The following NCKAP5 variants were observed in gnomAD, a reference collection of about 807,000 sequenced individuals.
NCKAP5 encodes NCK associated protein 5.
A neutral mutation model predicts 167.0 loss-of-function variants in NCKAP5; 92 were observed. The observed-to-expected ratio is 0.55, with a 90% CI of 0.47 to 0.66. The LOEUF is 0.66. NCKAP5 is among the 30% of genes least tolerant of loss of function. The pLI is 0.00. For synonymous variants in NCKAP5, 891 were observed against 877.4 expected, an observed-to-expected ratio of 1.02 and a Z score of -0.27; for missense variants, 2,378 against 2,315.0, an observed-to-expected ratio of 1.03 and a Z score of -0.56.
chr2:132,764,704 T>C (rs1681300019), intron 16 of NCKAP5, among the ~76,000 whole-genome samples: 1 of 152,170 alleles, frequency 6.6e-6, no homozygotes, highest in African/African-American at 2.4e-5. Context: ...TTGAGAACAT[T>C]TGCACTTCCC....
chr2:132,921,919 A>G (rs1574640176), intron 8 of NCKAP5, among the ~76,000 whole-genome samples: 1 of 152,216 alleles, frequency 6.6e-6, no homozygotes, highest in African/African-American at 2.4e-5. Flanking sequence ...TGACTCTATC[A>G]GAGTCAATAT....
intron 4 of NCKAP5, among the ~76,000 whole-genome samples, chr2:133,283,802 G>A (rs558981992): frequency 3.9e-4 from 60 of 152,006 alleles, no homozygotes; most frequent in African/African-American, 1.4e-3. Context: ...GTAGAGATAG[G>A]GTTTCACCAT....
chr2:133,668,933 T>G, the NCKAP5 span, among the ~76,000 whole-genome samples: 1 of 152,194 alleles, frequency 6.6e-6, no homozygotes, highest in African/African-American at 2.4e-5. Flanking sequence ...ACTTAAATTC[T>G]GAGTCAGATA....
chr2:132,693,047 C>A (rs1168970409), intron 19 of NCKAP5, among the ~76,000 whole-genome samples: 1 of 152,212 alleles, frequency 6.6e-6, no homozygotes, highest in East Asian at 1.9e-4. Context: ...CAAATTACAG[C>A]TGGAACAGCC....
Position 133,458,713 on chromosome 2 carries a change from G to A in NCKAP5, c.69+58745C>T, listed in dbSNP as rs527898253. Among the ~76,000 whole-genome samples the A allele has an allele frequency of 2.4e-3, 368 of 152,230 alleles. 5 individuals carry two copies. The highest frequency in any genetic ancestry group is 7.6e-3 in the African/African-American group (316 of 41,554). ...AAGTTATGGATACATTTTCCTGGAT[G>A]TTAACAGGACTGCAAGAGGAGGATC... On this transcript the variant is annotated intron_variant, in intron 3 of 19. Coordinates refer to ENST00000409261, the MANE Select transcript of NCKAP5 (RefSeq NM_207363.3).
chr2:133,361,031 T>C (rs567678011), intron 3 of NCKAP5, among the ~76,000 whole-genome samples: 2 of 149,920 alleles, frequency 1.3e-5, no homozygotes, highest in African/African-American at 5.0e-5. Context: ...CAAGGACCTA[T>C]GCTGGTGACT....
intron 11 of NCKAP5, among the ~76,000 whole-genome samples, chr2:132,800,483 T>G (rs1684938765): frequency 6.6e-6 from 1 of 152,156 alleles, no homozygotes; most frequent in South Asian, 2.1e-4. Flanking sequence ...AAATAGAGAC[T>G]CCTAATTTCA....
At chr2:132,685,768 A>T (rs1685857796) in intron 19 of NCKAP5, among the ~76,000 whole-genome samples, 1 of 152,282 alleles carries the variant, frequency 6.6e-6, no homozygotes, top group East Asian at 1.9e-4. Flanking sequence ...GAGCTGCAGT[A>T]GAAATTGCAA....
chr2:132,882,452 C>T (rs1691837328), intron 8 of NCKAP5, among the ~76,000 whole-genome samples: 1 of 152,148 alleles, frequency 6.6e-6, no homozygotes, highest in South Asian at 2.1e-4. Context: ...GGTTAGCACT[C>T]AGGCTCTCAG....
intron 4 of NCKAP5, among the ~76,000 whole-genome samples, chr2:133,222,825 G>A (rs751912875): frequency 1.3e-5 from 2 of 152,130 alleles, no homozygotes; most frequent in Non-Finnish European, 2.9e-5. Context: ...ATGTAAAATA[G>A]CAATGAATAT....
At chr2:133,208,334 T>C (rs1433542258) in intron 5 of NCKAP5, among the ~76,000 whole-genome samples, 2 of 152,028 alleles carry the variant, frequency 1.3e-5, no homozygotes, top group African/African-American at 4.8e-5. Flanking sequence ...CGAGACCCTA[T>C]CTCAAAACAA....
the NCKAP5 span, among the ~76,000 whole-genome samples, chr2:133,611,895 T>C: frequency 5.3e-5 from 8 of 152,216 alleles, no homozygotes; most frequent in South Asian, 4.1e-4. Flanking sequence ...CAGAAGTGTC[T>C]AGCAGTACCC....
chr2:132,844,300 G>C (rs1446166103), intron 11 of NCKAP5, among the ~76,000 whole-genome samples: 1 of 151,942 alleles, frequency 6.6e-6, no homozygotes, highest in African/African-American at 2.4e-5. Flanking sequence ...AACTGTGTAA[G>C]TAACATCTGA....
intron 6 of NCKAP5, among the ~76,000 whole-genome samples, chr2:133,036,267 C>T (rs2079038203): frequency 6.6e-6 from 1 of 151,898 alleles, no homozygotes; most frequent in Admixed American, 6.6e-5. Context: ...AATAGCAATC[C>T]TACTCAAATG....
intron 6 of NCKAP5, among the ~76,000 whole-genome samples, chr2:133,081,219 G>A (rs999776188): frequency 6.6e-6 from 1 of 151,894 alleles, no homozygotes; most frequent in African/African-American, 2.4e-5. Context: ...AATATTTTAC[G>A]CTCTCTTCCT....
At chr2:132,716,936 C>G (rs1689427049) in intron 19 of NCKAP5, among the ~76,000 whole-genome samples, 2 of 152,182 alleles carry the variant, frequency 1.3e-5, no homozygotes, top group Admixed American at 1.3e-4. Flanking sequence ...TTTTTAGAAG[C>G]TGGCTGGGTT....
chr2:133,043,013 G>T (rs2079266424), intron 6 of NCKAP5, among the ~76,000 whole-genome samples: 1 of 152,034 alleles, frequency 6.6e-6, no homozygotes. Context: ...CCAAGACCTG[G>T]GATTTGCTTC....
chr2:133,138,206 G>A (rs1204105408), intron 5 of NCKAP5, among the ~76,000 whole-genome samples: 1 of 152,132 alleles, frequency 6.6e-6, no homozygotes, highest in East Asian at 1.9e-4. Context: ...AAGAATAAAA[G>A]ATTGATTCGA....
the NCKAP5 span, among the ~76,000 whole-genome samples, chr2:133,673,799 C>T: frequency 2.6e-5 from 4 of 152,246 alleles, no homozygotes; most frequent in South Asian, 2.1e-4. Flanking sequence ...GAGCTCAGGA[C>T]GCTGCAATGT....
Sources: gnomAD v4.1 joint callset for allele counts (sites outside exome capture counted in the v4.1 genomes callset) on GRCh38, gnomAD v4.1.1 for gene constraint, MANE v1.5 for transcripts, NCBI Gene and HGNC (gene_info 2026-07-23, HGNC 2026-07-21) for gene names.